The following YPEL2 variants were observed in gnomAD, a reference collection of about 807,000 sequenced individuals.
The protein encoded by YPEL2 is protein yippee-like 2.
Under a neutral mutation model 19.1 loss-of-function variants are expected in YPEL2, and 2 were observed. The ratio of observed to expected loss-of-function variants is 0.10; its 90% CI spans 0.04 to 0.33. The LOEUF (loss-of-function observed/expected upper bound fraction) is 0.33. Ranked by LOEUF, YPEL2 falls within the 10% of genes least tolerant of loss-of-function variation. YPEL2 has a pLI of 1.00. For missense variants in YPEL2, 66 were observed against 140.7 expected, an observed-to-expected ratio of 0.47 and a Z score of 2.68; for synonymous variants, 52 against 50.0, an observed-to-expected ratio of 1.04 and a Z score of -0.17.
rs914486042 is a variant in YPEL2, at chr17:59,381,244, G to A, written c.118-7083G>A. Among the ~76,000 whole-genome samples, 8 of 152,314 alleles carry A rather than the reference G, an allele frequency of 5.3e-5. No homozygotes were observed. The South Asian group carries it at 8.3e-4, about 16-fold the overall frequency. On this transcript the variant is annotated intron_variant, in intron 2 of 4. Coordinates refer to ENST00000312655, the MANE Select transcript of YPEL2 (RefSeq NM_001005404.4). ...TGCCAAGACTAGATCCTCTTACACCGTGCAGATATGCAAGGGATCACCTAG... is the reference window on the plus strand; with the variant it reads ...TGCCAAGACTAGATCCTCTTACACCATGCAGATATGCAAGGGATCACCTAG...
chr17:59,384,017 T>C (rs1244140480), intron 2 of YPEL2, among the ~76,000 whole-genome samples: 1 of 152,206 alleles, frequency 6.6e-6, no homozygotes, highest in Non-Finnish European at 1.5e-5. Context: ...TTCGTTTCAC[T>C]TGGGTAAATG....
chr17:59,393,814 G>A (rs2048021710), intron 4 of YPEL2, among the ~76,000 whole-genome samples: 1 of 150,914 alleles, frequency 6.6e-6, no homozygotes, highest in South Asian at 2.1e-4. Context: ...ATGTTTCAGA[G>A]AGCACAGGGT....
At chr17:59,360,010 C>T (rs893535478) in intron 2 of YPEL2, among the ~76,000 whole-genome samples, 3 of 152,236 alleles carry the variant, frequency 2.0e-5, no homozygotes, top group African/African-American at 7.2e-5. Context: ...AGAGACTCTC[C>T]TGCCTCAGCC....
chr17:59,374,027 TGA>T (rs1005451776), intron 2 of YPEL2, among the ~76,000 whole-genome samples: 3 of 152,308 alleles, frequency 2.0e-5, no homozygotes, highest in African/African-American at 7.2e-5. Context: ...TCTATTCTCT[TGA>T]GAATATGGAC....
chr17:59,382,159 C>T (rs1598048661), intron 2 of YPEL2, among the ~76,000 whole-genome samples: 2 of 152,230 alleles, frequency 1.3e-5, no homozygotes, highest in African/African-American at 2.4e-5. Flanking sequence ...CAGCTGATCC[C>T]GAGTGCCAGG....
intron 2 of YPEL2, among the ~76,000 whole-genome samples, chr17:59,374,302 A>C (rs771842558): frequency 4.6e-5 from 7 of 152,140 alleles, no homozygotes; most frequent in Non-Finnish European, 8.8e-5. Context: ...CCTTCTAATA[A>C]TTATATGCCC....
rs931599462 is a variant in YPEL2 at position 59,348,991 on chromosome 17, G to A, written c.-195-4224G>A. Among the ~76,000 whole-genome samples, 15 of 152,074 alleles carry A rather than the reference G, an allele frequency of 9.9e-5. No homozygotes were observed. In the East Asian group the frequency reaches 1.7e-3, roughly 18 times the overall value. On this transcript the variant is annotated intron_variant, in intron 1 of 4. Coordinates refer to ENST00000312655, the MANE Select transcript of YPEL2 (RefSeq NM_001005404.4). ...CATGAGGTCAGGAGATCGAGACCAC[G>A]GTGAAACCCCGTCTCTACTAAAAAT...
intron 1 of YPEL2, among the ~76,000 whole-genome samples, chr17:59,345,901 C>T (rs1317400019): frequency 1.3e-5 from 2 of 152,154 alleles, no homozygotes. Flanking sequence ...TCCTTTCAGG[C>T]AATTTGCCCA....
At chr17:59,352,428 G>A (rs1467367395) in intron 1 of YPEL2, among the ~76,000 whole-genome samples, 1 of 152,212 alleles carries the variant, frequency 6.6e-6, no homozygotes, top group African/African-American at 2.4e-5. Context: ...GCTGTGGTAG[G>A]AAAGATGTAT....
chr17:59,389,355 C>T lies in YPEL2; in HGVS notation c.162-5C>T. ...CCCACTCTCTCTTCTTGTGCCTCGA[C>T]ATAGAGTTAATGTGGGCTGTGGGCC... On this transcript the variant is annotated splice_polypyrimidine_tract_variant and splice_region_variant and intron_variant, in intron 3 of 4. Transcript: ENST00000312655. 6.2e-7 allele frequency: 1 copy of T among 1,613,010 alleles called. No individual in the cohort carries two copies. The highest frequency in any genetic ancestry group is 8.5e-7 in the Non-Finnish European group (1 of 1,179,198).
chr17:59,348,152 A>G (rs935630487), intron 1 of YPEL2, among the ~76,000 whole-genome samples: 8 of 152,162 alleles, frequency 5.3e-5, no homozygotes, highest in African/African-American at 1.9e-4. Flanking sequence ...AAAGGAGCAG[A>G]ACTGGTTTGT....
chr17:59,364,082 T>A (rs979671927), intron 2 of YPEL2, among the ~76,000 whole-genome samples: 1 of 152,206 alleles, frequency 6.6e-6, no homozygotes, highest in African/African-American at 2.4e-5. Flanking sequence ...TGGTCTGTGT[T>A]GTTATGGTTG....
intron 2 of YPEL2, among the ~76,000 whole-genome samples, chr17:59,372,838 G>A (rs1276631718): frequency 5.3e-5 from 8 of 152,182 alleles, no homozygotes; most frequent in African/African-American, 9.7e-5. Flanking sequence ...ACAATGCCCC[G>A]AGGCAGTATC....
intron 1 of YPEL2, among the ~76,000 whole-genome samples, chr17:59,348,491 C>T (rs1238384959): frequency 2.0e-5 from 3 of 152,176 alleles, no homozygotes; most frequent in South Asian, 2.1e-4. Flanking sequence ...GGGGAGGCGG[C>T]ATGGGGTGGG....
At chr17:59,346,890 A>G (rs190523571) in intron 1 of YPEL2, among the ~76,000 whole-genome samples, 13 of 152,286 alleles carry the variant, frequency 8.5e-5, no homozygotes, top group African/African-American at 1.4e-4. Flanking sequence ...CAGCAAAACC[A>G]TGGAAGCGTA....
intron 2 of YPEL2, among the ~76,000 whole-genome samples, chr17:59,387,355 C>T (rs944649517): frequency 2.0e-5 from 3 of 151,864 alleles, no homozygotes; most frequent in Non-Finnish European, 4.4e-5. Flanking sequence ...GATTGTCTCG[C>T]GTGCTGATCT....
chr17:59,358,603 T>G (rs1025129977), intron 2 of YPEL2, among the ~76,000 whole-genome samples: 18 of 151,808 alleles, frequency 1.2e-4, no homozygotes, highest in Non-Finnish European at 2.1e-4. Context: ...TTTTTTTGGT[T>G]GTTGTTTGTT....
At chr17:59,333,436 G>A (rs1189897156) in intron 1 of YPEL2, among the ~76,000 whole-genome samples, 1 of 152,170 alleles carries the variant, frequency 6.6e-6, no homozygotes. Flanking sequence ...TTAGAGTTAG[G>A]GGTGGAAAAT....
intron 2 of YPEL2, among the ~76,000 whole-genome samples, chr17:59,378,511 A>G (rs1033645137): frequency 6.6e-6 from 1 of 151,930 alleles, no homozygotes; most frequent in Non-Finnish European, 1.5e-5. Context: ...CGCCCAGCTA[A>G]TTTTGGTAGA....
Sources: gnomAD v4.1 joint callset for allele counts (sites outside exome capture counted in the v4.1 genomes callset) on GRCh38, gnomAD v4.1.1 for gene constraint, MANE v1.5 for transcripts, NCBI Gene and HGNC (gene_info 2026-07-23, HGNC 2026-07-21) for gene names.